The following ACADVL variants were observed in gnomAD, a reference collection of about 807,000 sequenced individuals.
ACADVL encodes the protein very long-chain acyl-CoA dehydrogenase, mitochondrial.
A neutral mutation model predicts 80.4 loss-of-function variants in ACADVL; 73 were observed. The observed-to-expected ratio is 0.91, with a 90% confidence interval of 0.75 to 1.10. The LOEUF (loss-of-function observed/expected upper bound fraction) is 1.10, where lower values mean the gene tolerates loss of function less well. ACADVL is among the 50% of genes least tolerant of loss of function. The probability of loss-of-function intolerance (pLI) is 0.00; values close to 1 mark genes in which losing one functional copy is unlikely to be tolerated. For missense variants in ACADVL, 878 were observed against 858.9 expected, an observed-to-expected ratio of 1.02 and a Z score of -0.28; for synonymous variants, 392 against 326.5, an observed-to-expected ratio of 1.20 and a Z score of -2.16.
At position 7,225,200 on chromosome 17, in the gene ACADVL, C is replaced by T; in HGVS notation, c.*103C>T. 2 of 1,511,880 alleles carry T rather than the reference C, an allele frequency of 1.3e-6. No homozygotes were observed. Among genetic ancestry groups the T allele is most frequent in the Non-Finnish European group, 1.8e-6 (2 of 1,098,026 alleles). 93.7% of individuals were successfully genotyped at this position (1,511,880 alleles called of 1,614,324 possible). A position where few individuals can be genotyped will look rare whatever the true frequency, so the allele number is the denominator to read the frequency against. ...GTTTGTCCCGAAGGGGCCTAGTGTT[C>T]CCAGCACTGTGCCTGCTCTCAAGAG... On this transcript the variant is annotated 3_prime_UTR_variant, in exon 20 of 20. Coordinates refer to ENST00000356839, the MANE Select transcript of ACADVL (RefSeq NM_000018.4).
chr17:7,223,270 C>T, intron 11 of ACADVL, 33 bp downstream of exon 11: 2 of 1,577,460 alleles, frequency 1.3e-6, no homozygotes, highest in South Asian at 1.1e-5. Context: ...TCCCTGGAGC[C>T]CTGGGGCTTT....
upstream of ACADVL, chr17:7,218,377 G>C (rs2071032108): frequency 2.8e-6 from 4 of 1,452,956 alleles, no homozygotes; most frequent in African/African-American, 4.2e-5. Flanking sequence ...GGCAAGGGAG[G>C]AGCCCTTTCA....
upstream of ACADVL, chr17:7,218,785 C>A (rs186123640): frequency 1.3e-3 from 2,042 of 1,612,276 alleles, 9 homozygotes; most frequent in African/African-American, 8.2e-3. Context: ...CCCAGCCCCC[C>A]ACTTCGCTCC....
At position 7,220,936 on chromosome 17, in the gene ACADVL, C is replaced by T; in HGVS notation, c.355C>T (p.Pro119Ser). The change falls in exon 6 of 20, where the codon CCC becomes TCC. Residue 119 changes from proline (P) to serine (S), a missense_variant. By Grantham distance (74) the Pro-to-Ser change is moderately conservative (BLOSUM62 -1). Coordinates refer to ENST00000356839, the MANE Select transcript of ACADVL (RefSeq NM_000018.4). ...VSRFFEEVNDPAKNDALEMVE... is the reference protein window; with the variant it reads ...VSRFFEEVNDSAKNDALEMVE... ...GTGCCTTCCCCAGGAAGTGAACGAT[C>T]CCGCCAAGAATGACGCTCTGGAGAT... 1.9e-6 allele frequency: 3 copies of T among 1,614,096 alleles called. No homozygotes were observed. Among genetic ancestry groups the T allele is most frequent in the Non-Finnish European group, 2.5e-6 (3 of 1,180,044 alleles).
At chr17:7,217,798 G>C (rs757466308), upstream of ACADVL, 10 of 1,535,298 alleles carry the variant, frequency 6.5e-6, no homozygotes, top group Non-Finnish European at 8.7e-6. Flanking sequence ...AGCCACCAGC[G>C]ATGACAGCAA....
upstream of ACADVL, chr17:7,219,071 G>A: frequency 5.0e-6 from 3 of 602,042 alleles, no homozygotes; most frequent in South Asian, 4.1e-5. Flanking sequence ...CTCCTGAGAA[G>A]CCAGCAAAGA....
At chr17:7,219,704 T>A, upstream of ACADVL, 1 of 1,396,416 alleles carries the variant, frequency 7.2e-7, no homozygotes, top group Non-Finnish European at 9.3e-7. Context: ...TTCTGTCCCA[T>A]CCTATCCCAT....
At chr17:7,223,552 T>C in intron 11 of ACADVL, 92 bp from the exon 12 acceptor site, 1 of 1,369,332 alleles carries the variant, frequency 7.3e-7, no homozygotes, top group Non-Finnish European at 1.0e-6. Flanking sequence ...ACAAGCTAGG[T>C]CAGCCCTTAT....
intron 6 of ACADVL, 194 bp from the exon 7 acceptor site, chr17:7,221,344 G>C (rs2071207549): frequency 9.5e-7 from 1 of 1,049,436 alleles, no homozygotes; most frequent in African/African-American, 1.6e-5. Context: ...CTAGACCTAA[G>C]ACAGACCAGC....
chr17:7,222,587 A>T, intron 9 of ACADVL, 80 bp from the exon 10 acceptor site: 2 of 1,408,664 alleles, frequency 1.4e-6, no homozygotes, highest in Non-Finnish European at 2.0e-6. Context: ...TCCCTGGTGC[A>T]TAAGGAGCGA....
chr17:7,217,886 TAC>T (rs1375986729), upstream of ACADVL: 8 of 1,446,582 alleles, frequency 5.5e-6, no homozygotes, highest in Non-Finnish European at 7.5e-6. Flanking sequence ...GTTATTTGAA[TAC>T]GGGAGGGAGG....
chr17:7,223,881 G>T lies in ACADVL; in HGVS notation c.1332+6G>T, dbSNP rs774538382. 6.2e-7 allele frequency: 1 copy of T among 1,614,044 alleles called. No homozygotes were observed. On this transcript the variant is annotated splice_donor_region_variant and intron_variant, in intron 13 of 19. Coordinates refer to ENST00000356839, the MANE Select transcript of ACADVL (RefSeq NM_000018.4). ...GGGGTATGGGCTTCATGAAGGTACA[G>T]GACGGTCTTCTGCAGAGCCTCGGCT...
chr17:7,221,971 C>T lies in ACADVL; in HGVS notation c.642C>T (p.Phe214=). The change falls in exon 8 of 20, where the codon TTC becomes TTT. Residue 214 remains phenylalanine (F), a synonymous_variant. Coordinates refer to ENST00000356839, the MANE Select transcript of ACADVL (RefSeq NM_000018.4). Reference sequence around the variant, plus strand: ...CAACAGGGGAGACTGTGGCCGCTTTCTGTCTAACCGAGCCCTCAAGCGGGT... The same window carrying T: ...CAACAGGGGAGACTGTGGCCGCTTTTTGTCTAACCGAGCCCTCAAGCGGGT... ...KLASGETVAA[F]CLTEPSSGSD... is the part of the protein sequence containing the mutation. 1 of 1,614,042 alleles carries T rather than the reference C, an allele frequency of 6.2e-7. No individual in the cohort carries two copies. Among genetic ancestry groups the T allele is most frequent in the Non-Finnish European group, 8.5e-7 (1 of 1,179,948 alleles).
Position 7,224,663 on chromosome 17 carries a change from G to T in ACADVL, c.1700G>T (p.Arg567Leu). The T allele has an allele frequency of 2.6e-6, 4 of 1,547,226 alleles. No homozygotes were observed. The highest frequency in any genetic ancestry group is 3.5e-6 in the Non-Finnish European group (4 of 1,151,252). Residue 567 changes from arginine (R) to leucine (L), a missense_variant, in exon 18 of 20, where the codon CGG (arginine) becomes CTG (leucine). Arg to Leu is a moderately radical substitution (Grantham distance 102). Transcript: ENST00000356839. Reference protein sequence around the residue: ...GIVNEQFLLQRLADGAIDLYA... With the variant: ...GIVNEQFLLQLLADGAIDLYA... ...ACAGATGAACAGTTTCTGCTGCAGC[G>T]GCTGGCAGACGGGGCCATCGACCTC...
upstream of ACADVL, chr17:7,218,753 T>G (rs112144905): frequency 1.1e-5 from 18 of 1,591,660 alleles, no homozygotes; most frequent in Middle Eastern, 1.7e-4. Context: ...ACGGAAAGAT[T>G]TGGGGAGAAG....
Position 7,222,091 on chromosome 17 carries a change from C to T in ACADVL, c.752+10C>T, listed in dbSNP as rs200176128. The T allele has an allele frequency of 6.2e-7, 1 of 1,614,184 alleles. No homozygotes were observed. The highest frequency in any genetic ancestry group is 8.5e-7 in the Non-Finnish European group (1 of 1,180,026). On this transcript the variant is annotated intron_variant, in intron 8 of 19. Coordinates refer to ENST00000356839, the MANE Select transcript of ACADVL (RefSeq NM_000018.4). ...GCAAGCTTTGGATCAGGCAACCTGC[C>T]TCCCATTTCTCCCCTTCTCCTCCGC... is the stretch of plus-strand genomic sequence containing the variant.
intron 7 of ACADVL, 104 bp downstream of exon 7, chr17:7,221,786 G>T: frequency 6.3e-7 from 1 of 1,599,064 alleles, no homozygotes; most frequent in Non-Finnish European, 8.5e-7. Context: ...ATTTCAGTTG[G>T]GGGAAGGTTT....
At position 7,224,069 on chromosome 17, in the gene ACADVL, G is replaced by A. The variant is rs775537775; in HGVS notation, c.1434G>A (p.Met478Ile). Residue 478 changes from methionine to isoleucine, a missense_variant and splice_region_variant, in exon 14 of 20, where the codon ATG becomes ATA. Transcript: ENST00000356839. ...LRLFVALQGC[M>I]DKGKELSGLG... The stretch of plus-strand genomic sequence containing the variant: ...TGTTTGTGGCTCTGCAGGGCTGTAT[G>A]GTAAGACAGAGAATTGGGTGGGGGT... 2.9e-5 allele frequency: 47 copies of A among 1,613,992 alleles called. No individual in the cohort carries two copies. In the East Asian group the frequency reaches 9.6e-4, roughly 33 times the overall value.
chr17:7,220,210 A>G lies in ACADVL; in HGVS notation c.138+13A>G. 1 of 1,530,310 alleles carries G rather than the reference A, an allele frequency of 6.5e-7. No individual in the cohort carries two copies. Among genetic ancestry groups the G allele is most frequent in the South Asian group, 1.2e-5 (1 of 83,598 alleles). 94.8% of individuals were successfully genotyped at this position (1,530,310 alleles called of 1,614,324 possible). ...GGGTGCCGCTCAGGTAAGTCACCGC[A>G]GCCTTGGCAAGGGGGTGTGGGAGCG... On this transcript the variant is annotated intron_variant, in intron 2 of 19. Coordinates refer to ENST00000356839, the MANE Select transcript of ACADVL (RefSeq NM_000018.4).
Sources: gnomAD v4.1 joint callset for allele counts on GRCh38, gnomAD v4.1.1 for gene constraint, MANE v1.5 for transcripts, NCBI Gene and HGNC (gene_info 2026-07-23, HGNC 2026-07-21) for gene names.